The following ITGAV variants were observed in gnomAD, a reference collection of about 807,000 sequenced individuals.
ITGAV encodes integrin subunit alpha V, also known as integrin alpha-V.
A neutral mutation model predicts 143.8 loss-of-function variants in ITGAV; 76 were observed. The ratio of observed to expected loss-of-function variants is 0.53; its 90% CI spans 0.44 to 0.64. The LOEUF (loss-of-function observed/expected upper bound fraction) is 0.64. Ranked by LOEUF, ITGAV falls within the 30% of genes least tolerant of loss-of-function variation. The probability of loss-of-function intolerance (pLI) is 0.00; values close to 1 mark genes in which losing one functional copy is unlikely to be tolerated. For missense variants in ITGAV, 1,193 were observed against 1,274.7 expected, an observed-to-expected ratio of 0.94 and a Z score of 0.98; for synonymous variants, 453 against 446.7, an observed-to-expected ratio of 1.01 and a Z score of -0.18.
chr2:186,629,563 A>G (rs748699878), intron 4 of ITGAV, among the ~76,000 whole-genome samples: 1 of 150,886 alleles, frequency 6.6e-6, no homozygotes, highest in Non-Finnish European at 1.5e-5. Context: ...TCTTGAGGCT[A>G]TTTTCTTTCA....
At chr2:186,604,794 A>G (rs1424367589) in intron 2 of ITGAV, among the ~76,000 whole-genome samples, 1 of 152,212 alleles carries the variant, frequency 6.6e-6, no homozygotes, top group Non-Finnish European at 1.5e-5. Context: ...ATATTTGCAC[A>G]TATTTTCTGT....
intron 18 of ITGAV, 42 bp from the exon 19 acceptor site, chr2:186,663,726 A>T: frequency 7.2e-7 from 1 of 1,396,010 alleles, no homozygotes; most frequent in South Asian, 1.2e-5. Flanking sequence ...TGCCACCTGC[A>T]TTGGTATTTT....
intron 15 of ITGAV, among the ~76,000 whole-genome samples, chr2:186,653,805 T>C (rs1688508548): frequency 6.6e-6 from 1 of 152,184 alleles, no homozygotes; most frequent in South Asian, 2.1e-4. Context: ...TAGAAATACA[T>C]TTTGCATTAT....
intron 2 of ITGAV, among the ~76,000 whole-genome samples, chr2:186,605,738 G>T (rs1203597544): frequency 1.1e-5 from 1 of 89,946 alleles, no homozygotes; most frequent in East Asian, 2.9e-4. Flanking sequence ...GGTTGTAGAT[G>T]TGTATATATA....
intron 15 of ITGAV, among the ~76,000 whole-genome samples, chr2:186,653,165 T>G (rs1688488321): frequency 6.6e-6 from 1 of 152,072 alleles, no homozygotes; most frequent in African/African-American, 2.4e-5. Flanking sequence ...CAGGATGGTC[T>G]CGATCTCCTG....
At position 186,675,680 on chromosome 2, in the gene ITGAV, A is replaced by G; in HGVS notation, c.2783A>G (p.Tyr928Cys). 6.2e-7 allele frequency: 1 copy of G among 1,613,906 alleles called. No homozygotes were observed. Among genetic ancestry groups the G allele is most frequent in the Non-Finnish European group, 8.5e-7 (1 of 1,179,850 alleles). The stretch of plus-strand genomic sequence containing the variant: ...GACAGAGGAAAGAGTGCAATCTTGT[A>G]CGTAAAGTCATTACTGTGGACTGAG... ...RLDRGKSAIL[Y>C]VKSLLWTETF... Residue 928 changes from tyrosine to cysteine, a missense_variant, in exon 27 of 30, where the codon TAC becomes TGC. Physicochemically the swap from Tyr to Cys is radical, Grantham distance 194. Transcript: ENST00000261023.
At chr2:186,644,310 G>A (rs531659737) in intron 12 of ITGAV, among the ~76,000 whole-genome samples, 1 of 150,988 alleles carries the variant, frequency 6.6e-6, no homozygotes, top group South Asian at 2.1e-4. Flanking sequence ...TGGTTTTTTT[G>A]TTTGTTTGTT....
intron 2 of ITGAV, among the ~76,000 whole-genome samples, chr2:186,616,883 T>C (rs1179808254): frequency 2.0e-5 from 3 of 152,154 alleles, no homozygotes. Context: ...TAAATAAGCA[T>C]ACTTTATTGG....
chr2:186,645,233 CT>C (rs557414221), intron 12 of ITGAV, among the ~76,000 whole-genome samples: 63 of 152,176 alleles, frequency 4.1e-4, no homozygotes, highest in African/African-American at 1.4e-3. Context: ...GGGTGGTGCA[CT>C]GCTGCGTAGG....
intron 1 of ITGAV, chr2:186,600,338 C>A: frequency 6.5e-7 from 1 of 1,539,756 alleles, no homozygotes; most frequent in Non-Finnish European, 8.8e-7. Context: ...TACACAAATG[C>A]TCCTAGGCAC....
rs1455381891 is a variant in ITGAV at position 186,679,198 on chromosome 2, C to T, written c.*1906C>T. On this transcript the variant is annotated 3_prime_UTR_variant, in exon 30 of 30. Coordinates refer to ENST00000261023, the MANE Select transcript of ITGAV (RefSeq NM_002210.5). The stretch of plus-strand genomic sequence containing the variant: ...ACAAATTTTACCCTAACAGTTTTAC[C>T]ACCTAGTAACAGTCATTTCTGAAAA... 6.6e-6 allele frequency: 1 copy of T among 152,046 alleles called. No individual in the cohort carries two copies. Among genetic ancestry groups the T allele is most frequent in the Non-Finnish European group, 1.5e-5 (1 of 67,980 alleles). The allele number at this position is 152,046 out of a possible 1,614,324, so 9.4% of individuals were successfully genotyped here. A position where few individuals can be genotyped will look rare whatever the true frequency, so the allele number is the denominator to read the frequency against.
chr2:186,600,627 C>A (rs1686875289), intron 1 of ITGAV, among the ~76,000 whole-genome samples: 1 of 150,722 alleles, frequency 6.6e-6, no homozygotes, highest in Non-Finnish European at 1.5e-5. Flanking sequence ...TGGCTAGTTT[C>A]TTGCCTCTAA....
At chr2:186,632,132 T>C (rs1687829701) in intron 5 of ITGAV, among the ~76,000 whole-genome samples, 1 of 152,190 alleles carries the variant, frequency 6.6e-6, no homozygotes, top group South Asian at 2.1e-4. Context: ...AGGTAACTTG[T>C]TTTTAATACT....
Position 186,640,903 on chromosome 2 carries a change from C to G in ITGAV, c.904-12C>G. 1.9e-6 allele frequency: 3 copies of G among 1,580,016 alleles called. No individual in the cohort carries two copies. The highest frequency in any genetic ancestry group is 2.6e-6 in the Non-Finnish European group (3 of 1,157,026). On this transcript the variant is annotated splice_polypyrimidine_tract_variant and intron_variant, in intron 10 of 29. Coordinates refer to ENST00000261023, the MANE Select transcript of ITGAV (RefSeq NM_002210.5). The stretch of plus-strand genomic sequence containing the variant: ...TGAAATATAAACATTTCATTTTCAT[C>G]TTTTTATCCAGATGGCTGCATATTT...
chr2:186,632,200 A>G (rs185071385), intron 5 of ITGAV, among the ~76,000 whole-genome samples: 20 of 152,300 alleles, frequency 1.3e-4, no homozygotes, highest in Non-Finnish European at 2.5e-4. Flanking sequence ...GAGATAAAGT[A>G]TATTAATAAA....
At chr2:186,602,611 G>T (rs1686942279) in intron 2 of ITGAV, among the ~76,000 whole-genome samples, 1 of 152,204 alleles carries the variant, frequency 6.6e-6, no homozygotes, top group Non-Finnish European at 1.5e-5. Flanking sequence ...GGGCATAGTG[G>T]CTCACGCCTG....
At chr2:186,600,330 C>G (rs1464279032) in intron 1 of ITGAV, 1 of 1,416,546 alleles carries the variant, frequency 7.1e-7, no homozygotes, top group Non-Finnish European at 9.7e-7. Context: ...ATCCTCAATA[C>G]ACAAATGCTC....
Position 186,590,628 on chromosome 2 carries a change from C to G in ITGAV, c.185+105C>G, listed in dbSNP as rs971250738. 12 of 1,039,908 alleles carry G rather than the reference C, an allele frequency of 1.2e-5. No homozygotes were observed. The Admixed American group carries it at 2.7e-4, about 23-fold the overall frequency. The allele number at this position is 1,039,908 out of a possible 1,614,324, so 64.4% of individuals were successfully genotyped here. On this transcript the variant is annotated intron_variant, in intron 1 of 29. Transcript: ENST00000261023. ...ATTTCCGAGAGATCCCGGCGTCTGT[C>G]TGTCTCACCCATCCTACCTCTCAGA...
intron 12 of ITGAV, among the ~76,000 whole-genome samples, chr2:186,643,423 G>A (rs907293033): frequency 2.6e-5 from 4 of 152,174 alleles, no homozygotes; most frequent in African/African-American, 9.7e-5. Flanking sequence ...TGTCTTTAGT[G>A]AAAAATTATC....
Sources: allele counts gnomAD v4.1 joint callset (sites outside exome capture counted in the v4.1 genomes callset), GRCh38; gene constraint gnomAD v4.1.1; transcripts MANE v1.5; gene names NCBI Gene and HGNC (gene_info 2026-07-23, HGNC 2026-07-21).